Variants in STK32A observed in about 807,000 individuals in gnomAD.
The protein encoded by STK32A is serine/threonine kinase 32A.
Under a neutral mutation model 53.2 loss-of-function variants are expected in STK32A, and 41 were observed. That is an observed-to-expected ratio of 0.77 (90% confidence interval 0.60 to 1.00). STK32A has a LOEUF of 1.00. STK32A is among the 50% of genes least tolerant of loss of function. The pLI, the probability that STK32A is intolerant of heterozygous loss-of-function variation, is 0.00. For missense variants in STK32A, 458 were observed against 485.8 expected (o/e 0.94, Z 0.54); for synonymous variants, 166 against 162.8 (o/e 1.02, Z -0.15).
At chr5:147,379,264 A>G (rs767837068) in intron 11 of STK32A, among the ~76,000 whole-genome samples, 1 of 151,858 alleles carries the variant, frequency 6.6e-6, no homozygotes, top group Non-Finnish European at 1.5e-5. Context: ...ATCTTTGCAC[A>G]TTCATTTTAT....
intron 5 of STK32A, among the ~76,000 whole-genome samples, chr5:147,332,717 C>T (rs1484450847): frequency 6.6e-6 from 1 of 152,114 alleles, no homozygotes; most frequent in East Asian, 1.9e-4. Flanking sequence ...CCACTTGAGC[C>T]TCAAAACAAA....
intron 2 of STK32A, among the ~76,000 whole-genome samples, chr5:147,277,624 AG>A (rs1294002783): frequency 7.2e-5 from 11 of 152,184 alleles, no homozygotes; most frequent in African/African-American, 2.4e-4. Flanking sequence ...AAAATAGGCA[AG>A]GAGAACATTT....
intron 2 of STK32A, among the ~76,000 whole-genome samples, chr5:147,245,597 G>T (rs1210829407): frequency 1.3e-5 from 2 of 152,116 alleles, no homozygotes; most frequent in African/African-American, 4.8e-5. Flanking sequence ...AAATCTTGCA[G>T]TCATTATGAG....
At chr5:147,394,107 C>T in the STK32A span, 16 of 1,614,144 alleles carry the variant, frequency 9.9e-6, no homozygotes, top group East Asian at 2.2e-5. Context: ...AGCGAACCCC[C>T]TCATCCACTT....
intron 5 of STK32A, among the ~76,000 whole-genome samples, chr5:147,340,446 A>G (rs1280806420): frequency 6.6e-6 from 1 of 152,216 alleles, no homozygotes; most frequent in Non-Finnish European, 1.5e-5. Context: ...ATTTATTTTT[A>G]CTTGAGAAGA....
At chr5:147,328,977 T>C (rs918870756) in intron 5 of STK32A, among the ~76,000 whole-genome samples, 5 of 152,100 alleles carry the variant, frequency 3.3e-5, no homozygotes, top group African/African-American at 9.7e-5. Flanking sequence ...CTCTGAGAAT[T>C]ACCCCCCACT....
chr5:147,258,820 T>C (rs1754355760), intron 2 of STK32A, among the ~76,000 whole-genome samples: 1 of 152,144 alleles, frequency 6.6e-6, no homozygotes, highest in Non-Finnish European at 1.5e-5. Context: ...TAAATTTACT[T>C]TTGTTGAAAA....
chr5:147,356,425 A>G (rs1047128652), intron 7 of STK32A, among the ~76,000 whole-genome samples: 16 of 152,166 alleles, frequency 1.1e-4, no homozygotes, highest in African/African-American at 3.6e-4. Context: ...CTATTGTTAT[A>G]GTATATATTG....
In STK32A at chr5:147,352,779, G is replaced by A. The variant is rs544549274; in HGVS notation, c.562+1625G>A. Among the ~76,000 whole-genome samples, 7 of 152,270 alleles carry A rather than the reference G, an allele frequency of 4.6e-5. No individual in the cohort carries two copies. In the East Asian group the frequency reaches 1.2e-3, roughly 25 times the overall value. ...GCCATGGAAGTTTGATGAGTTTGGG[G>A]GCTAGTCTTTCTGGGGATCATAGCA... On this transcript the variant is annotated intron_variant, in intron 7 of 12. Coordinates refer to ENST00000397936, the MANE Select transcript of STK32A (RefSeq NM_001112724.2).
At chr5:147,301,315 A>T (rs1753122307) in intron 4 of STK32A, among the ~76,000 whole-genome samples, 3 of 151,840 alleles carry the variant, frequency 2.0e-5, no homozygotes, top group Admixed American at 2.0e-4. Context: ...TTTCCTATAG[A>T]TACAAATCAT....
At chr5:147,399,040 G>A in the STK32A span, 2 of 1,598,172 alleles carry the variant, frequency 1.3e-6, no homozygotes, top group African/African-American at 1.3e-5. Context: ...TTCCTTGCAT[G>A]CATTCTCCAT....
intron 2 of STK32A, among the ~76,000 whole-genome samples, chr5:147,261,419 A>G (rs1754566329): frequency 6.6e-6 from 1 of 152,142 alleles, no homozygotes; most frequent in Non-Finnish European, 1.5e-5. Flanking sequence ...GTTAGACCGC[A>G]CAAACTAAAC....
At chr5:147,400,692 C>A in the STK32A span, 1 of 1,613,800 alleles carries the variant, frequency 6.2e-7, no homozygotes, top group Non-Finnish European at 8.5e-7. Context: ...CATGCCTTAC[C>A]ACAGCCTTGT....
chr5:147,251,921 A>AT (rs931037433), intron 2 of STK32A, among the ~76,000 whole-genome samples: 96 of 152,296 alleles, frequency 6.3e-4, no homozygotes, highest in African/African-American at 2.2e-3. Flanking sequence ...ATTCATTATG[A>AT]GCCAGGTGAA....
chr5:147,374,900 T>C (rs1314543916), intron 10 of STK32A, among the ~76,000 whole-genome samples, 190 bp from the exon 11 acceptor site: 1 of 151,954 alleles, frequency 6.6e-6, no homozygotes, highest in Non-Finnish European at 1.5e-5. Context: ...TAATTGAGAG[T>C]TTAGAAAAAT....
chr5:147,398,358 T>G, the STK32A span, among the ~76,000 whole-genome samples: 1 of 152,206 alleles, frequency 6.6e-6, no homozygotes, highest in African/African-American at 2.4e-5. Context: ...TCAGCTTGTC[T>G]GGGTTTCAAT....
rs73794365 is a variant in STK32A at position 147,269,640 on chromosome 5, C to G, written c.53-8484C>G. On this transcript the variant is annotated intron_variant, in intron 2 of 12. Coordinates refer to ENST00000397936, the MANE Select transcript of STK32A (RefSeq NM_001112724.2). The stretch of plus-strand genomic sequence containing the variant: ...ACTTTTACTTGATTTTTTTTCCCTC[C>G]TCTCTGGGGAATTTATCTTATTTGG... 2.9e-3 allele frequency among the ~76,000 whole-genome samples: 448 copies of G among 152,250 alleles called. 1 individual carries two copies. The highest frequency in any genetic ancestry group is 0.01 in the African/African-American group (431 of 41,564).
chr5:147,240,854 C>A (rs1452591503), intron 2 of STK32A, among the ~76,000 whole-genome samples: 1 of 152,208 alleles, frequency 6.6e-6, no homozygotes, highest in African/African-American at 2.4e-5. Context: ...CCTCTCTTCC[C>A]ATTTCTAGAG....
At chr5:147,295,901 G>A (rs1276521512) in intron 4 of STK32A, among the ~76,000 whole-genome samples, 1 of 152,198 alleles carries the variant, frequency 6.6e-6, no homozygotes, top group African/African-American at 2.4e-5. Context: ...TAAGGGAGCA[G>A]GTGTATATAG....
Sources: gnomAD v4.1 joint callset for allele counts (sites outside exome capture counted in the v4.1 genomes callset) on GRCh38, gnomAD v4.1.1 for gene constraint, MANE v1.5 for transcripts, NCBI Gene and HGNC (gene_info 2026-07-23, HGNC 2026-07-21) for gene names.